Variants in CEP85L observed in about 807,000 individuals in gnomAD.
CEP85L encodes the protein centrosomal protein of 85 kDa-like.
In CEP85L, 60 loss-of-function variants were observed where a neutral mutation model predicts 100.3. The ratio of observed to expected loss-of-function variants is 0.60; its 90% CI spans 0.49 to 0.74. The LOEUF is 0.74. Ranked by LOEUF, CEP85L falls within the 30% of genes least tolerant of loss-of-function variation. The pLI, the probability that CEP85L is intolerant of heterozygous loss-of-function variation, is 0.00. For synonymous variants in CEP85L, 319 were observed against 322.7 expected, an observed-to-expected ratio of 0.99 and a Z score of 0.12; for missense variants, 973 against 936.2, an observed-to-expected ratio of 1.04 and a Z score of -0.51.
chr6:118,580,609 C>T (rs60184149), intron 2 of CEP85L, among the ~76,000 whole-genome samples: 1,999 of 152,308 alleles, frequency 0.013, 63 homozygotes, highest in African/African-American at 0.046. Context: ...AATCAGCTTC[C>T]TTTCATGGGG....
upstream of CEP85L, chr6:118,651,693 A>G (rs1583228242): frequency 3.3e-6 from 1 of 305,124 alleles, no homozygotes; most frequent in Non-Finnish European, 4.0e-6. Flanking sequence ...CGGGGCGGGG[A>G]CTGCGGGGGG....
chr6:118,668,747 G>A (rs1272167799), intron 1 of CEP85L, among the ~76,000 whole-genome samples: 2 of 152,098 alleles, frequency 1.3e-5, no homozygotes, highest in Non-Finnish European at 2.9e-5. Flanking sequence ...ATTAAGATGG[G>A]AAATAATTAT....
intron 5 of CEP85L, among the ~76,000 whole-genome samples, chr6:118,500,155 T>A (rs923298177): frequency 1.3e-5 from 2 of 150,864 alleles, no homozygotes; most frequent in Admixed American, 6.6e-5. Flanking sequence ...TTTTTTTTTT[T>A]AATTAGCCAG....
intron 1 of CEP85L, among the ~76,000 whole-genome samples, chr6:118,698,797 A>G (rs1777299047): frequency 1.3e-5 from 2 of 152,216 alleles, no homozygotes; most frequent in African/African-American, 4.8e-5. Context: ...CCAGGAATGT[A>G]GTGCAAAAAA....
chr6:118,667,615 G>A (rs140278209), intron 1 of CEP85L, among the ~76,000 whole-genome samples: 5 of 152,246 alleles, frequency 3.3e-5, no homozygotes, highest in African/African-American at 1.2e-4. Flanking sequence ...TTAGGAAGAA[G>A]AAAAAAGAGC....
chr6:118,659,555 A>G (rs902925580), intron 1 of CEP85L, among the ~76,000 whole-genome samples: 1 of 152,254 alleles, frequency 6.6e-6, no homozygotes, highest in African/African-American at 2.4e-5. Flanking sequence ...TCATAATCTT[A>G]AAAAGGCATA....
At chr6:118,504,801 GT>G (rs746769795) in intron 5 of CEP85L, among the ~76,000 whole-genome samples, 61 of 152,272 alleles carry the variant, frequency 4.0e-4, no homozygotes, top group Admixed American at 7.8e-4. Flanking sequence ...TACACATACA[GT>G]GTCAGGATTA....
intron 5 of CEP85L, among the ~76,000 whole-genome samples, chr6:118,505,532 G>A (rs12199463): frequency 0.47 from 70,868 of 151,222 alleles, 17,022 homozygotes; most frequent in Middle Eastern, 0.57. Flanking sequence ...CCCAGAAAGC[G>A]GAACATTATT....
At chr6:118,473,319 G>A (rs1296886160) in intron 10 of CEP85L, among the ~76,000 whole-genome samples, 3 of 152,158 alleles carry the variant, frequency 2.0e-5, no homozygotes, top group African/African-American at 2.4e-5. Context: ...CACAGTAAGG[G>A]TCAGGAGACT....
chr6:118,492,838 AAGGG>A (rs1163645459), intron 5 of CEP85L, among the ~76,000 whole-genome samples: 13 of 152,168 alleles, frequency 8.5e-5, no homozygotes, highest in Admixed American at 8.5e-4. Flanking sequence ...TGCAGTAGCT[AAGGG>A]AGGGTGTTAC....
upstream of CEP85L, chr6:118,651,709 A>T: frequency 2.4e-6 from 1 of 417,460 alleles, no homozygotes; most frequent in Non-Finnish European, 2.8e-6. Context: ...GGGGGCGGGG[A>T]CTGCGGGGGG....
chr6:118,498,155 A>G lies in CEP85L; in HGVS notation c.1258-6290T>C, dbSNP rs1334301803. The stretch of plus-strand genomic sequence containing the variant: ...AACCACTAAAGAATGTAAAAAGAGA[A>G]GTGTAATAAAGTAGAAAGAGAAAAA... On this transcript the variant is annotated intron_variant, in intron 5 of 12. Coordinates refer to ENST00000368491, the MANE Select transcript of CEP85L (RefSeq NM_001042475.3). Among the ~76,000 whole-genome samples the G allele has an allele frequency of 2.6e-5, 4 of 152,192 alleles. No individual in the cohort carries two copies. In the East Asian group the frequency reaches 7.7e-4, roughly 29 times the overall value.
chr6:118,507,385 A>G (rs563490423), intron 5 of CEP85L, among the ~76,000 whole-genome samples: 1 of 152,216 alleles, frequency 6.6e-6, no homozygotes, highest in Non-Finnish European at 1.5e-5. Flanking sequence ...CTATTGAGAC[A>G]GCTTCCTGAC....
rs911007120 is a variant in CEP85L at position 118,651,584 on chromosome 6, G to A, written c.-315C>T. ...GGCTCCAGGCGAAGTTGCAGCTGCG[G>A]GTTCTCTCCGCCCCCTCCGCCGGCA... On this transcript the variant is annotated 5_prime_UTR_variant, in exon 1 of 13. Coordinates refer to ENST00000368491, the MANE Select transcript of CEP85L (RefSeq NM_001042475.3). The A allele has an allele frequency of 1.1e-5, 13 of 1,134,508 alleles. No homozygotes were observed. Among genetic ancestry groups the A allele is most frequent in the Non-Finnish European group, 1.4e-5 (13 of 925,798 alleles). 70.3% of individuals were successfully genotyped at this position (1,134,508 alleles called of 1,614,324 possible).
At chr6:118,686,176 T>C (rs1776822876) in intron 1 of CEP85L, among the ~76,000 whole-genome samples, 3 of 148,424 alleles carry the variant, frequency 2.0e-5, no homozygotes, top group African/African-American at 7.6e-5. Context: ...AAGATATATG[T>C]TCTAAATGTA....
At chr6:118,573,048 G>A (rs201007281) in intron 2 of CEP85L, among the ~76,000 whole-genome samples, 3 of 152,286 alleles carry the variant, frequency 2.0e-5, no homozygotes, top group East Asian at 3.9e-4. Flanking sequence ...GGTAACAAGA[G>A]TGATACTCCG....
At chr6:118,492,663 TA>T (rs1201235230) in intron 5 of CEP85L, among the ~76,000 whole-genome samples, 7 of 152,126 alleles carry the variant, frequency 4.6e-5, no homozygotes, top group Admixed American at 2.0e-4. Flanking sequence ...AGAAAGAGGT[TA>T]TTTTTCCATT....
chr6:118,505,409 CAAAAAAAAAAAAAAAAAA>C (rs56893664), intron 5 of CEP85L, among the ~76,000 whole-genome samples: 2 of 71,834 alleles, frequency 2.8e-5, no homozygotes, highest in Non-Finnish European at 5.6e-5. Flanking sequence ...TCACTGTACT[CAAAAAAAAAAAAAAAAAA>C]AAAAAAAAAA....
intron 1 of CEP85L, among the ~76,000 whole-genome samples, chr6:118,641,476 T>C (rs555808997): frequency 6.6e-6 from 1 of 152,326 alleles, no homozygotes; most frequent in African/African-American, 2.4e-5. Context: ...ACATACAGGT[T>C]AACACTAGTG....
Sources: allele counts gnomAD v4.1 joint callset (sites outside exome capture counted in the v4.1 genomes callset), GRCh38; gene constraint gnomAD v4.1.1; transcripts MANE v1.5; gene names NCBI Gene and HGNC (gene_info 2026-07-23, HGNC 2026-07-21).